PPP1R9A: variants seen among roughly 807,000 people sequenced by gnomAD.
The protein encoded by PPP1R9A is neurabin-1.
Under a neutral mutation model 141.9 loss-of-function variants are expected in PPP1R9A, and 59 were observed. That is an observed-to-expected ratio of 0.42 (90% confidence interval 0.34 to 0.52). The LOEUF (loss-of-function observed/expected upper bound fraction) is 0.52. PPP1R9A is among the 20% of genes least tolerant of loss of function. PPP1R9A has a pLI of 0.10. For synonymous variants in PPP1R9A, 500 were observed against 569.7 expected (o/e 0.88, Z 1.74); for missense variants, 1,444 against 1,611.9 (o/e 0.90, Z 1.78).
intron 2 of PPP1R9A, among the ~76,000 whole-genome samples, chr7:94,996,867 A>AT (rs1802257679): frequency 1.4e-5 from 2 of 146,866 alleles, no homozygotes; most frequent in Admixed American, 7.0e-5. Context: ...CAATGGCACA[A>AT]TTGCAGCTCA....
At chr7:95,004,158 T>G (rs542886455) in intron 2 of PPP1R9A, among the ~76,000 whole-genome samples, 38 of 151,936 alleles carry the variant, frequency 2.5e-4, no homozygotes, top group Non-Finnish European at 4.7e-4. Context: ...AGGAAAAAAA[T>G]TATTGTGCCA....
chr7:95,126,534 A>G (rs1043561711), intron 4 of PPP1R9A, among the ~76,000 whole-genome samples: 1 of 152,184 alleles, frequency 6.6e-6, no homozygotes, highest in Non-Finnish European at 1.5e-5. Flanking sequence ...ATGTTCCCAT[A>G]AATTCCATTC....
chr7:95,050,943 T>C (rs1810710533), intron 2 of PPP1R9A, among the ~76,000 whole-genome samples: 1 of 152,232 alleles, frequency 6.6e-6, no homozygotes, highest in African/African-American at 2.4e-5. Context: ...ACTTGTTTAC[T>C]GGCACAAGTA....
At chr7:95,057,755 T>G (rs1311069942) in intron 2 of PPP1R9A, among the ~76,000 whole-genome samples, 4 of 152,282 alleles carry the variant, frequency 2.6e-5, no homozygotes, top group African/African-American at 9.6e-5. Context: ...ATTTTCAGTG[T>G]GATAGAATCC....
intron 5 of PPP1R9A, among the ~76,000 whole-genome samples, chr7:95,192,193 G>C (rs1287573643): frequency 2.0e-5 from 3 of 151,832 alleles, no homozygotes; most frequent in Non-Finnish European, 4.4e-5. Context: ...AAGGGAATTG[G>C]GACAGTGTGT....
At chr7:95,120,589 A>C in intron 3 of PPP1R9A, 123 bp from the exon 4 acceptor site, 1 of 1,064,728 alleles carries the variant, frequency 9.4e-7, no homozygotes, top group Non-Finnish European at 1.3e-6. Context: ...TAAAGCAAGC[A>C]TGTTATTGTC....
chr7:94,977,764 CT>C (rs370362125), intron 2 of PPP1R9A, among the ~76,000 whole-genome samples: 3,017 of 131,284 alleles, frequency 0.023, 35 homozygotes, highest in Non-Finnish European at 0.037. Context: ...TTTTCATTTT[CT>C]TTTTTTTTTT....
chr7:95,218,930 A>C (rs1355403050), intron 7 of PPP1R9A, among the ~76,000 whole-genome samples: 1 of 152,116 alleles, frequency 6.6e-6, no homozygotes, highest in African/African-American at 2.4e-5. Flanking sequence ...CCAATTTGCC[A>C]GTCTGTGTCT....
Position 94,910,831 on chromosome 7 carries a change from T to TC in PPP1R9A, c.719dup (p.Val241CysfsTer7). On this transcript the variant is annotated frameshift_variant, in exon 2 of 20. Coordinates refer to ENST00000433360, the MANE Select transcript of PPP1R9A (RefSeq NM_001166160.2). LOFTEE classifies it high-confidence loss of function. This position sits in a 1 kb window ranked among gnomAD's most constrained non-coding sequence, Gnocchi z 4.5. ...TGGGCATTATCCCTTGAATTTACCA[T>TC]CTGTTACTGTTACAAATCTTGACAC... The TC allele has an allele frequency of 6.2e-7, 1 of 1,613,920 alleles. No individual in the cohort carries two copies. Among genetic ancestry groups the TC allele is most frequent in the Non-Finnish European group, 8.5e-7 (1 of 1,180,006 alleles).
intron 12 of PPP1R9A, among the ~76,000 whole-genome samples, chr7:95,263,876 G>C (rs1207756857): frequency 2.6e-5 from 4 of 152,074 alleles, no homozygotes; most frequent in African/African-American, 9.7e-5. Context: ...TATTTATTGA[G>C]TGCTTATTAC....
At chr7:95,134,744 C>A (rs1825331285) in intron 4 of PPP1R9A, among the ~76,000 whole-genome samples, 1 of 152,168 alleles carries the variant, frequency 6.6e-6, no homozygotes, top group Non-Finnish European at 1.5e-5. Context: ...CTATGTTAGA[C>A]TCTTGATAAG....
intron 2 of PPP1R9A, among the ~76,000 whole-genome samples, chr7:95,094,878 T>G (rs1817820379): frequency 4.8e-5 from 1 of 20,700 alleles, no homozygotes; most frequent in Non-Finnish European, 1.1e-4. Flanking sequence ...AGACTGCGTC[T>G]CAAAAAAAAA....
At chr7:95,069,728 C>T (rs1027398446) in intron 2 of PPP1R9A, among the ~76,000 whole-genome samples, 1 of 151,952 alleles carries the variant, frequency 6.6e-6, no homozygotes, top group Non-Finnish European at 1.5e-5. Context: ...TCTTGAAAGC[C>T]CTTTATGTTT....
At chr7:95,131,238 C>T (rs914642163) in intron 4 of PPP1R9A, among the ~76,000 whole-genome samples, 11 of 152,076 alleles carry the variant, frequency 7.2e-5, no homozygotes, top group Admixed American at 3.9e-4. Flanking sequence ...ATGAGTCTCA[C>T]GAGATAATGA....
At chr7:94,958,121 T>G (rs1445821769) in intron 2 of PPP1R9A, among the ~76,000 whole-genome samples, 2 of 152,090 alleles carry the variant, frequency 1.3e-5, no homozygotes, top group African/African-American at 4.8e-5. Context: ...TGGTTGTTGG[T>G]CTCAGTAGAT....
At chr7:95,188,991 G>C (rs1347415359) in intron 5 of PPP1R9A, among the ~76,000 whole-genome samples, 2 of 152,098 alleles carry the variant, frequency 1.3e-5, no homozygotes, top group African/African-American at 4.8e-5. Flanking sequence ...TGGTGGTGAT[G>C]AATTCTCTCA....
intron 16 of PPP1R9A, among the ~76,000 whole-genome samples, chr7:95,276,945 C>T (rs1165173932): frequency 1.3e-5 from 2 of 152,082 alleles, no homozygotes; most frequent in African/African-American, 4.8e-5. Context: ...CCAGTAGGAG[C>T]TTAATGCAAT....
chr7:95,188,189 A>G (rs1197217606), intron 5 of PPP1R9A, among the ~76,000 whole-genome samples: 1 of 152,002 alleles, frequency 6.6e-6, no homozygotes, highest in African/African-American at 2.4e-5. Context: ...CATATTTAGG[A>G]TTGTGATATT....
chr7:94,988,286 A>T (rs1216746741), intron 2 of PPP1R9A, among the ~76,000 whole-genome samples: 1 of 152,144 alleles, frequency 6.6e-6, no homozygotes, highest in Non-Finnish European at 1.5e-5. Context: ...AAAGTCTTTT[A>T]TAATTTGACA....
Sources: gnomAD v4.1 joint callset for allele counts (sites outside exome capture counted in the v4.1 genomes callset) on GRCh38, gnomAD v4.1.1 for gene constraint, Gnocchi (gnomAD v3.1) non-coding constraint, MANE v1.5 for transcripts, NCBI Gene and HGNC (gene_info 2026-07-23, HGNC 2026-07-21) for gene names.